NPY5R: variants seen among roughly 807,000 people sequenced by gnomAD.
NPY5R encodes neuropeptide Y receptor Y5, also known as neuropeptide Y receptor type 5.
NPY5R carries 21 observed loss-of-function variants against 24.8 expected under a neutral mutation model. The observed-to-expected ratio is 0.85, with a 90% CI of 0.60 to 1.22. The LOEUF (loss-of-function observed/expected upper bound fraction) is 1.22. NPY5R is among the 50% of genes most tolerant of loss of function. The probability of loss-of-function intolerance (pLI) is 0.00; values close to 1 mark genes in which losing one functional copy is unlikely to be tolerated. For missense variants in NPY5R, 481 were observed against 521.3 expected (o/e 0.92, Z 0.75); for synonymous variants, 175 against 183.0 (o/e 0.96, Z 0.35).
chr4:163,345,280 CAGA>C (rs1735184061), intron 1 of NPY5R: 2 of 152,116 alleles, frequency 1.3e-5, no homozygotes, highest in Admixed American at 1.3e-4. Flanking sequence ...AAAATCTATT[CAGA>C]AGGTTTCATT....
intron 3 of NPY5R, among the ~76,000 whole-genome samples, chr4:163,348,606 C>G (rs1735351336): frequency 6.6e-6 from 1 of 150,740 alleles, no homozygotes; most frequent in Non-Finnish European, 1.5e-5. Context: ...GGTCACACTA[C>G]TGCACCCCAG....
chr4:163,352,165 G>A (rs1382663538), downstream of NPY5R, among the ~76,000 whole-genome samples: 1 of 152,078 alleles, frequency 6.6e-6, no homozygotes, highest in Admixed American at 6.5e-5. Flanking sequence ...TACAGTTTTG[G>A]AAGTCCTGTA....
At chr4:163,349,438 C>A in intron 3 of NPY5R, 1 of 286,754 alleles carries the variant, frequency 3.5e-6, no homozygotes, top group Non-Finnish European at 5.2e-6. Flanking sequence ...TATGTAGCAT[C>A]AGACAACTGT....
intron 3 of NPY5R, among the ~76,000 whole-genome samples, chr4:163,348,709 C>A (rs951988079): frequency 6.6e-6 from 1 of 150,732 alleles, no homozygotes; most frequent in African/African-American, 2.4e-5. Context: ...GGAGGGAGTC[C>A]TTTTGCCTCT....
chr4:163,346,811 ATGT>A (rs2110854281), intron 2 of NPY5R, among the ~76,000 whole-genome samples: 1 of 152,310 alleles, frequency 6.6e-6, no homozygotes, highest in East Asian at 1.9e-4. Context: ...CATTTTTTAA[ATGT>A]TGTAAATATA....
chr4:163,344,621 A>T (rs1735139229), intron 1 of NPY5R: 7 of 152,234 alleles, frequency 4.6e-5, no homozygotes, highest in Admixed American at 3.9e-4. Context: ...CCTGTTTGCG[A>T]GGTGTCTTCA....
chr4:163,348,142 CAT>C (rs1735326931), intron 3 of NPY5R, among the ~76,000 whole-genome samples: 1 of 152,076 alleles, frequency 6.6e-6, no homozygotes, highest in Non-Finnish European at 1.5e-5. Context: ...TTTAAATAAA[CAT>C]GTATTTTTAT....
At chr4:163,349,411 A>G (rs1216360858) in intron 3 of NPY5R, 1 of 452,604 alleles carries the variant, frequency 2.2e-6, no homozygotes, top group African/African-American at 2.1e-5. Context: ...TTATAATGCA[A>G]TGAAAGCAGA....
At chr4:163,348,295 TTG>T (rs1273051204) in intron 3 of NPY5R, among the ~76,000 whole-genome samples, 3 of 152,150 alleles carry the variant, frequency 2.0e-5, no homozygotes, top group Admixed American at 2.0e-4. Context: ...CTTTGTTGGT[TTG>T]TGTTTTCTGT....
chr4:163,344,040 C>T (rs1735094976), intron 1 of NPY5R, 40 bp downstream of exon 1: 1 of 152,264 alleles, frequency 6.6e-6, no homozygotes, highest in African/African-American at 2.4e-5. Context: ...CCTTTCGCGC[C>T]GGGTAGGCCT....
At chr4:163,349,808 C>T (rs1005926827) in intron 3 of NPY5R, among the ~76,000 whole-genome samples, 27 of 152,018 alleles carry the variant, frequency 1.8e-4, no homozygotes, top group African/African-American at 6.0e-4. Context: ...GCCCTTGGAA[C>T]GAGTTAAAGG....
Position 163,351,136 on chromosome 4 carries a change from G to A in NPY5R, c.863G>A (p.Arg288Lys), listed in dbSNP as rs1466622380. ...TCATTCATCAAAAAACACAGAAGAA[G>A]ATATAGCAAGAAGACAGCATGTGTG... ...SYSFIKKHRR[R>K]YSKKTACVLP... Residue 288 changes from arginine (R) to lysine (K), a missense_variant, in exon 4 of 4, where the codon AGA becomes AAA. Arg to Lys is a conservative substitution (Grantham distance 26, BLOSUM62 2). Coordinates refer to ENST00000338566, the MANE Select transcript of NPY5R (RefSeq NM_006174.4). 8.1e-6 allele frequency: 13 copies of A among 1,613,974 alleles called. No homozygotes were observed. Among genetic ancestry groups the A allele is most frequent in the Non-Finnish European group, 1.1e-5 (13 of 1,180,006 alleles).
intron 3 of NPY5R, 73 bp downstream of exon 3, chr4:163,347,595 G>A (rs1285832931): frequency 6.6e-6 from 1 of 152,162 alleles, no homozygotes; most frequent in Non-Finnish European, 1.5e-5. Context: ...AATATAAATA[G>A]GATCATGAAT....
In NPY5R at chr4:163,351,761, T is replaced by A. The variant is rs1735507959; in HGVS notation, c.*150T>A. 3.8e-6 allele frequency: 2 copies of A among 526,958 alleles called. No homozygotes were observed. Among genetic ancestry groups the A allele is most frequent in the Non-Finnish European group, 6.6e-6 (2 of 304,554 alleles). 32.6% of individuals were successfully genotyped at this position (526,958 alleles called of 1,614,324 possible). A position where few individuals can be genotyped will look rare whatever the true frequency, so the allele number is the denominator to read the frequency against. ...TCTGGATTCAAATGTCAGTTCATAA[T>A]ATATGGAAGATAATTTTATGTGTTA... On this transcript the variant is annotated 3_prime_UTR_variant, in exon 4 of 4. Transcript: ENST00000338566.
downstream of NPY5R, chr4:163,351,979 G>T (rs553606970): frequency 1.2e-5 from 2 of 167,560 alleles, no homozygotes; most frequent in East Asian, 1.9e-4. Context: ...AATTTTTCTC[G>T]AGGAACTTTT....
At chr4:163,344,347 G>C (rs1735117770) in intron 1 of NPY5R, 1 of 152,300 alleles carries the variant, frequency 6.6e-6, no homozygotes, top group South Asian at 2.1e-4. Context: ...GGAGAGTGTC[G>C]GGGATCCGCG....
In NPY5R at chr4:163,351,857, A is replaced by G. The variant is rs1177747625; in HGVS notation, c.*246A>G. ...CTGTAATTTCACTTTAGAAGGTTGT[A>G]TTACCTTCCACTTCCATGTTGTCTT... On this transcript the variant is annotated 3_prime_UTR_variant, in exon 4 of 4. Coordinates refer to ENST00000338566, the MANE Select transcript of NPY5R (RefSeq NM_006174.4). 6.7e-6 allele frequency: 2 copies of G among 296,626 alleles called. No homozygotes were observed. The allele number at this position is 296,626 out of a possible 1,614,324, so 18.4% of individuals were successfully genotyped here.
At chr4:163,346,732 T>C (rs1022736046) in intron 2 of NPY5R, among the ~76,000 whole-genome samples, 3 of 152,242 alleles carry the variant, frequency 2.0e-5, no homozygotes, top group African/African-American at 7.2e-5. Context: ...TATGTGCATA[T>C]ATTTAAAATA....
chr4:163,347,575 C>T (rs1377249946), intron 3 of NPY5R, 53 bp downstream of exon 3: 5 of 152,136 alleles, frequency 3.3e-5, no homozygotes, highest in Non-Finnish European at 7.3e-5. Flanking sequence ...GCAGCCTGTA[C>T]ACAATTATAA....
Sources: gnomAD v4.1 joint callset for allele counts (sites outside exome capture counted in the v4.1 genomes callset) on GRCh38, gnomAD v4.1.1 for gene constraint, MANE v1.5 for transcripts, NCBI Gene and HGNC (gene_info 2026-07-23, HGNC 2026-07-21) for gene names.